ZNF236: variants seen among roughly 807,000 people sequenced by gnomAD.
The protein encoded by ZNF236 is regulated by glucose.
Under a neutral mutation model 191.2 loss-of-function variants are expected in ZNF236, and 50 were observed. The ratio of observed to expected loss-of-function variants is 0.26; its 90% CI spans 0.21 to 0.33. The LOEUF is 0.33. ZNF236 is among the 10% of genes least tolerant of loss of function. ZNF236 has a pLI of 1.00. For missense variants in ZNF236, 1,754 were observed against 2,374.5 expected (o/e 0.74, Z 5.43); for synonymous variants, 907 against 928.8 (o/e 0.98, Z 0.43).
intron 28 of ZNF236, 109 bp from the exon 29 acceptor site, chr18:76,959,578 A>AT: frequency 3.8e-6 from 5 of 1,325,210 alleles, no homozygotes; most frequent in Non-Finnish European, 5.0e-6. Flanking sequence ...TTAGCCTTTG[A>AT]TTTTGTCCTT....
At chr18:76,853,669 AT>A (rs1483568516) in intron 3 of ZNF236, among the ~76,000 whole-genome samples, 1 of 152,058 alleles carries the variant, frequency 6.6e-6, no homozygotes, top group Non-Finnish European at 1.5e-5. Flanking sequence ...AGTTCAAGAG[AT>A]CTGTTGTACA....
chr18:76,835,132 T>A (rs923440200), intron 1 of ZNF236, among the ~76,000 whole-genome samples: 1 of 152,204 alleles, frequency 6.6e-6, no homozygotes, highest in African/African-American at 2.4e-5. Context: ...TGTGGTTTAT[T>A]CTTGTCTTCA....
intron 5 of ZNF236, among the ~76,000 whole-genome samples, chr18:76,872,201 C>A (rs1012817189): frequency 6.6e-6 from 1 of 152,170 alleles, no homozygotes; most frequent in Non-Finnish European, 1.5e-5. Flanking sequence ...TTAACAAAGA[C>A]CGGATGTGGT....
intron 14 of ZNF236, 29 bp from the exon 15 acceptor site, chr18:76,910,039 C>A (rs770979718): frequency 6.5e-7 from 1 of 1,546,188 alleles, no homozygotes; most frequent in Non-Finnish European, 8.9e-7. Flanking sequence ...CAAATGTATG[C>A]GTCCCCCTTT....
intron 25 of ZNF236, 97 bp from the exon 26 acceptor site, chr18:76,937,059 G>A (rs1968018800): frequency 8.7e-7 from 1 of 1,147,840 alleles, no homozygotes; most frequent in Admixed American, 2.1e-5. Flanking sequence ...GGGCATGAAT[G>A]CTGCTTCCTG....
chr18:76,881,032 A>C (rs1976877430), intron 8 of ZNF236, among the ~76,000 whole-genome samples: 1 of 152,222 alleles, frequency 6.6e-6, no homozygotes, highest in Admixed American at 6.5e-5. Flanking sequence ...AAGTCAAATA[A>C]ATTTTAATTC....
rs147717061 is a variant in ZNF236, at chr18:76,964,355, G to A, written c.5419+3500G>A. Among the ~76,000 whole-genome samples, 920 of 152,248 alleles carry A rather than the reference G, an allele frequency of 6.0e-3. 9 individuals are homozygous for A. The highest frequency in any genetic ancestry group is 0.014 in the Middle Eastern group (4 of 294). On this transcript the variant is annotated intron_variant, in intron 30 of 30. Coordinates refer to ENST00000320610, the MANE Select transcript of ZNF236 (RefSeq NM_001306089.2). Reference sequence around the variant, plus strand: ...CAGGAGCAGGTTATTGAATTTTCATGTATTTGCATGGTTTTGAAGGTTCCT... The same window carrying A: ...CAGGAGCAGGTTATTGAATTTTCATATATTTGCATGGTTTTGAAGGTTCCT...
chr18:76,922,716 C>G (rs559441419), intron 20 of ZNF236, among the ~76,000 whole-genome samples: 62 of 152,152 alleles, frequency 4.1e-4, no homozygotes, highest in African/African-American at 1.4e-3. Context: ...GCCACCACTC[C>G]CTGTTAATTT....
Position 76,947,546 on chromosome 18 carries a change from C to G in ZNF236, c.4808C>G (p.Thr1603Arg). The G allele has an allele frequency of 5.6e-6, 9 of 1,613,980 alleles. No individual in the cohort carries two copies. The highest frequency in any genetic ancestry group is 7.6e-6 in the Non-Finnish European group (9 of 1,179,948). ...GGTCAGCAGTTCCCAGCGCTCCTCACGGATCCCTCTCTCTCGGGCCAGGGT... is the reference window on the plus strand; with the variant it reads ...GGTCAGCAGTTCCCAGCGCTCCTCAGGGATCCCTCTCTCTCGGGCCAGGGT... The part of the protein sequence containing the change: ...SQGQQFPALL[T>R]DPSLSGQGGA... The change falls in exon 27 of 31, where the codon ACG becomes AGG. Residue 1603 changes from threonine (T) to arginine (R), a missense_variant. Thr to Arg is a moderately conservative substitution (Grantham distance 71). Coordinates refer to ENST00000320610, the MANE Select transcript of ZNF236 (RefSeq NM_001306089.2).
chr18:76,910,213 TC>T (rs1435377025), intron 15 of ZNF236, 44 bp downstream of exon 15: 1 of 1,491,824 alleles, frequency 6.7e-7, no homozygotes, highest in Non-Finnish European at 9.3e-7. Context: ...GAGCTATACT[TC>T]AGTTGAATTT....
rs1968803714 is a variant in ZNF236, at chr18:76,967,421, A to ACATTTGTGATTTGTTGTT, written c.5420-794_5420-793insCATTTGTGATTTGTTGTT. Among the ~76,000 whole-genome samples the ACATTTGTGATTTGTTGTT allele has an allele frequency of 2.5e-5, 2 of 79,162 alleles. 1 individual carries two copies. The highest frequency in any genetic ancestry group is 5.0e-5 in the Non-Finnish European group (2 of 39,734). The allele number at this position is 79,162 out of a possible 152,430, so 51.9% of individuals were successfully genotyped here. ...GTTGTTGGAGGTGGTGTGATCTGTG[A>ACATTTGTGATTTGTTGTT]GGTTTGTGATTTGTTGTTGGAGGTG... On this transcript the variant is annotated intron_variant, in intron 30 of 30. Coordinates refer to ENST00000320610, the MANE Select transcript of ZNF236 (RefSeq NM_001306089.2).
intron 10 of ZNF236, 152 bp from the exon 11 acceptor site, chr18:76,898,867 A>G: frequency 1.5e-6 from 1 of 686,104 alleles, no homozygotes; most frequent in African/African-American, 1.8e-5. Flanking sequence ...CAAACAAGGG[A>G]AAATAATTTA....
chr18:76,905,600 A>G (rs1001927320), intron 13 of ZNF236, among the ~76,000 whole-genome samples, 185 bp downstream of exon 13: 8 of 150,078 alleles, frequency 5.3e-5, no homozygotes, highest in African/African-American at 2.0e-4. Context: ...CTAAGGATCT[A>G]ATGGGAGCCA....
In ZNF236 at chr18:76,927,283, C is replaced by G. The variant is rs376263055; in HGVS notation, c.4180C>G (p.Pro1394Ala). Residue 1394 changes from proline to alanine, a missense_variant, in exon 24 of 31, where the codon CCA becomes GCA. Transcript: ENST00000320610. This position sits in a 1 kb window ranked among gnomAD's most constrained non-coding sequence, Gnocchi z 5.4. ...TACCTGTGCTGCTTTTCAGATTGATCCAAGCATTCTGCAGCAGACGCTACA... is the reference window on the plus strand; with the variant it reads ...TACCTGTGCTGCTTTTCAGATTGATGCAAGCATTCTGCAGCAGACGCTACA... The part of the protein sequence containing the change: ...SINNITLQID[P>A]SILQQTLQQG... 9.9e-6 allele frequency: 16 copies of G among 1,613,984 alleles called. No homozygotes were observed. The highest frequency in any genetic ancestry group is 1.3e-5 in the African/African-American group (1 of 74,928).
At chr18:76,947,195 A>T (rs540866700) in intron 26 of ZNF236, among the ~76,000 whole-genome samples, 2 of 152,336 alleles carry the variant, frequency 1.3e-5, no homozygotes, top group Admixed American at 1.3e-4. Flanking sequence ...AGGCTCCTCC[A>T]TGCTGTAGCA....
chr18:76,930,996 T>C (rs1014971391), intron 25 of ZNF236: 4 of 152,258 alleles, frequency 2.6e-5, no homozygotes, highest in African/African-American at 9.6e-5. Context: ...TAGAATTATA[T>C]GTTTAACACA....
intron 3 of ZNF236, among the ~76,000 whole-genome samples, chr18:76,865,538 A>G (rs935278531): frequency 6.6e-6 from 1 of 152,152 alleles, no homozygotes; most frequent in Non-Finnish European, 1.5e-5. Flanking sequence ...GAAGAAAGCC[A>G]CTTCGTTTGG....
Position 76,905,325 on chromosome 18 carries a change from T to C in ZNF236, c.2207T>C (p.Ile736Thr). The change falls in exon 13 of 31, where the codon ATC (isoleucine) becomes ACC (threonine). Residue 736 changes from isoleucine (I) to threonine (T), a missense_variant. By Grantham distance (89) the Ile-to-Thr change is moderately conservative. Coordinates refer to ENST00000320610, the MANE Select transcript of ZNF236 (RefSeq NM_001306089.2). ...TGGSLRRHMGIHNDLRPYMCP... is the reference protein window; with the variant it reads ...TGGSLRRHMGTHNDLRPYMCP... ...GGCAGCTTACGGCGACACATGGGTA[T>C]CCACAACGACCTTCGTCCCTATATG... is the stretch of plus-strand genomic sequence containing the variant. 1 of 1,614,230 alleles carries C rather than the reference T, an allele frequency of 6.2e-7. No individual in the cohort carries two copies. Among genetic ancestry groups the C allele is most frequent in the Non-Finnish European group, 8.5e-7 (1 of 1,180,044 alleles).
intron 10 of ZNF236, among the ~76,000 whole-genome samples, chr18:76,896,052 G>A (rs1052799181): frequency 4.0e-5 from 6 of 151,884 alleles, no homozygotes; most frequent in Non-Finnish European, 8.8e-5. Flanking sequence ...ACTAAACTCA[G>A]TATCAAGCAC....
Sources: gnomAD v4.1 joint callset for allele counts (sites outside exome capture counted in the v4.1 genomes callset) on GRCh38, gnomAD v4.1.1 for gene constraint, Gnocchi (gnomAD v3.1) non-coding constraint, MANE v1.5 for transcripts, NCBI Gene and HGNC (gene_info 2026-07-23, HGNC 2026-07-21) for gene names.